RAP1A: variants seen among roughly 807,000 people sequenced by gnomAD.
RAP1A encodes ras-related protein Rap-1A.
RAP1A carries 6 observed loss-of-function variants against 26.4 expected under a neutral mutation model. That is an observed-to-expected ratio of 0.23 (90% CI 0.12 to 0.45). The LOEUF is 0.45. Among genes scored for constraint, RAP1A ranks in the 20% least tolerant of loss-of-function variants. RAP1A has a pLI of 0.99. For missense variants in RAP1A, 121 were observed against 217.2 expected (o/e 0.56, Z 2.78); for synonymous variants, 73 against 79.4 (o/e 0.92, Z 0.43).
chr1:111,566,308 A>G (rs555364344), intron 1 of RAP1A, among the ~76,000 whole-genome samples: 1 of 152,284 alleles, frequency 6.6e-6, no homozygotes, highest in Admixed American at 6.5e-5. Context: ...AGAAGAGAGA[A>G]GTGGGCTAAT....
chr1:111,544,707 C>T (rs1424919824), intron 1 of RAP1A, among the ~76,000 whole-genome samples: 1 of 152,098 alleles, frequency 6.6e-6, no homozygotes, highest in Admixed American at 6.5e-5. Context: ...TTGAATTATA[C>T]ATTCAAAACG....
At chr1:111,545,513 C>G (rs757718290) in intron 1 of RAP1A, among the ~76,000 whole-genome samples, 8 of 152,012 alleles carry the variant, frequency 5.3e-5, no homozygotes, top group Non-Finnish European at 1.2e-4. Context: ...TTTATGTATT[C>G]TGGCTACTAG....
intron 2 of RAP1A, among the ~76,000 whole-genome samples, chr1:111,693,123 T>G (rs1557894845): frequency 6.6e-6 from 1 of 152,114 alleles, no homozygotes; most frequent in Non-Finnish European, 1.5e-5. Context: ...TAGAAGAAGG[T>G]GTCTTTACTT....
At chr1:111,562,294 G>A (rs1657772289) in intron 1 of RAP1A, among the ~76,000 whole-genome samples, 1 of 152,108 alleles carries the variant, frequency 6.6e-6, no homozygotes. Context: ...TTTCAATACA[G>A]TTATGTGTCT....
rs573936445 is a variant in RAP1A, at chr1:111,713,294, A to G, written c.*893A>G. 6.6e-6 allele frequency: 1 copy of G among 152,178 alleles called. No homozygotes were observed. The highest frequency in any genetic ancestry group is 1.9e-4 in the East Asian group (1 of 5,208). The allele number at this position is 152,178 out of a possible 1,614,324, so 9.4% of individuals were successfully genotyped here. A position where few individuals can be genotyped will look rare whatever the true frequency, so the allele number is the denominator to read the frequency against. On this transcript the variant is annotated 3_prime_UTR_variant, in exon 8 of 8. Transcript: ENST00000369709. Reference sequence around the variant, plus strand: ...AGACCTCGCACTTTCTGTTCTAAATATATTTATTCCTACTATACAGTAAAA... The same window carrying G: ...AGACCTCGCACTTTCTGTTCTAAATGTATTTATTCCTACTATACAGTAAAA...
intron 1 of RAP1A, among the ~76,000 whole-genome samples, chr1:111,605,887 C>T (rs1658763919): frequency 6.6e-6 from 1 of 152,194 alleles, no homozygotes; most frequent in Non-Finnish European, 1.5e-5. Flanking sequence ...ATTAAGTTCC[C>T]ATTATCTTAA....
At chr1:111,665,849 A>T (rs1055731381) in intron 1 of RAP1A, among the ~76,000 whole-genome samples, 1 of 152,212 alleles carries the variant, frequency 6.6e-6, no homozygotes, top group African/African-American at 2.4e-5. Flanking sequence ...GAAAAGTTAT[A>T]GTCAAAGAAG....
chr1:111,617,814 C>A (rs186752876), upstream of RAP1A, among the ~76,000 whole-genome samples: 321 of 150,932 alleles, frequency 2.1e-3, 1 homozygote, highest in African/African-American at 6.6e-3. Context: ...GAGGCCGAGG[C>A]GGGTGGATCA....
intron 1 of RAP1A, among the ~76,000 whole-genome samples, chr1:111,611,235 C>A (rs1658922074): frequency 6.6e-6 from 1 of 152,114 alleles, no homozygotes; most frequent in Admixed American, 6.6e-5. Context: ...AAAAGTTTGC[C>A]CAAATTTCTC....
At chr1:111,692,145 T>A (rs1023609379) in intron 2 of RAP1A, among the ~76,000 whole-genome samples, 1 of 152,242 alleles carries the variant, frequency 6.6e-6, no homozygotes, top group East Asian at 1.9e-4. Flanking sequence ...AGAACTGACA[T>A]AACTTGGTGC....
intron 1 of RAP1A, among the ~76,000 whole-genome samples, chr1:111,570,387 C>G (rs1305877171): frequency 6.6e-6 from 1 of 152,110 alleles, no homozygotes; most frequent in Non-Finnish European, 1.5e-5. Flanking sequence ...CGTTTGAACC[C>G]GCAGTTGATT....
intron 1 of RAP1A, among the ~76,000 whole-genome samples, chr1:111,542,832 G>C (rs1245184358): frequency 6.6e-6 from 1 of 152,068 alleles, no homozygotes; most frequent in Non-Finnish European, 1.5e-5. Flanking sequence ...GAATAGCTGG[G>C]ACTACAGGCA....
chr1:111,571,785 C>A (rs1232125749), intron 1 of RAP1A, among the ~76,000 whole-genome samples: 1 of 152,178 alleles, frequency 6.6e-6, no homozygotes, highest in East Asian at 1.9e-4. Context: ...GCTAGAAGAA[C>A]ATATAACCCC....
intron 1 of RAP1A, among the ~76,000 whole-genome samples, chr1:111,549,961 GT>G (rs1193621038): frequency 6.6e-6 from 1 of 152,016 alleles, no homozygotes; most frequent in Non-Finnish European, 1.5e-5. Flanking sequence ...CTTGTTTTGG[GT>G]TTTTTTGTTG....
intron 1 of RAP1A, among the ~76,000 whole-genome samples, chr1:111,658,141 G>T (rs1440462256): frequency 6.6e-6 from 1 of 152,130 alleles, no homozygotes; most frequent in Non-Finnish European, 1.5e-5. Flanking sequence ...GATACGTTCG[G>T]AGAAATATAT....
In RAP1A at chr1:111,714,253, TGAATGA is replaced by T. The variant is rs1391258153; in HGVS notation, c.*1853_*1858del. On this transcript the variant is annotated 3_prime_UTR_variant, in exon 8 of 8. Coordinates refer to ENST00000369709, the MANE Select transcript of RAP1A (RefSeq NM_002884.4). ...TGAGGGGCCAAAACTATAGCGAACT[TGAATGA>T]AGTATTAGGGCCAGTTGTCAGGTCA... 1.3e-5 allele frequency: 2 copies of T among 152,176 alleles called. No individual in the cohort carries two copies. The highest frequency in any genetic ancestry group is 2.9e-5 in the Non-Finnish European group (2 of 68,020). The allele number at this position is 152,176 out of a possible 1,614,324, so 9.4% of individuals were successfully genotyped here.
At chr1:111,652,860 T>C (rs766046199) in intron 1 of RAP1A, among the ~76,000 whole-genome samples, 15 of 152,040 alleles carry the variant, frequency 9.9e-5, no homozygotes, top group Non-Finnish European at 1.9e-4. Context: ...TGAAAAAGAA[T>C]AAATAAATAA....
At chr1:111,617,043 C>A (rs977030285), upstream of RAP1A, among the ~76,000 whole-genome samples, 1 of 151,920 alleles carries the variant, frequency 6.6e-6, no homozygotes, top group African/African-American at 2.4e-5. Context: ...TGTGTGTATG[C>A]GCATGTGTGT....
intron 1 of RAP1A, among the ~76,000 whole-genome samples, chr1:111,567,917 T>A (rs1489532836): frequency 6.6e-6 from 1 of 152,232 alleles, no homozygotes; most frequent in African/African-American, 2.4e-5. Context: ...CCACCCAGTC[T>A]GTGGTACTTT....
Sources: allele counts gnomAD v4.1 joint callset (sites outside exome capture counted in the v4.1 genomes callset), GRCh38; gene constraint gnomAD v4.1.1; transcripts MANE v1.5; gene names NCBI Gene and HGNC (gene_info 2026-07-23, HGNC 2026-07-21).